RERE: variants seen among roughly 807,000 people sequenced by gnomAD.
RERE encodes arginine-glutamic acid dipeptide repeats, also known as arginine-glutamic acid dipeptide repeats protein.
RERE carries 40 observed loss-of-function variants against 146.1 expected under a neutral mutation model. That is an observed-to-expected ratio of 0.27 (90% confidence interval 0.21 to 0.36). RERE has a LOEUF of 0.36. Among genes scored for constraint, RERE ranks in the 10% least tolerant of loss-of-function variants. RERE has a pLI of 1.00. For missense variants in RERE, 1,933 were observed against 2,138.7 expected, an observed-to-expected ratio of 0.90 and a Z score of 1.90; for synonymous variants, 1,003 against 866.0, an observed-to-expected ratio of 1.16 and a Z score of -2.78.
chr1:8,796,342 A>G (rs796570720), intron 1 of RERE, among the ~76,000 whole-genome samples: 35 of 152,340 alleles, frequency 2.3e-4, no homozygotes, highest in African/African-American at 8.4e-4. Context: ...TATTCTAAGT[A>G]ATCAGGCCAC....
At chr1:8,502,326 G>A (rs1362707451) in intron 8 of RERE, among the ~76,000 whole-genome samples, 35 of 113,378 alleles carry the variant, frequency 3.1e-4, no homozygotes, top group Admixed American at 3.2e-4. Context: ...CGCCCCGTCC[G>A]GGAGGGTGGT....
intron 12 of RERE, among the ~76,000 whole-genome samples, chr1:8,395,084 G>A (rs544088170): frequency 6.4e-4 from 98 of 152,320 alleles, no homozygotes; most frequent in Non-Finnish European, 1.0e-3. Context: ...CAGATAAGGT[G>A]TCTAGTATTT....
intron 2 of RERE, among the ~76,000 whole-genome samples, chr1:8,638,792 T>A (rs1647135448): frequency 6.9e-6 from 1 of 143,918 alleles, no homozygotes; most frequent in South Asian, 2.3e-4. Flanking sequence ...AATTTTTTTT[T>A]TTTTTTTTTT....
At chr1:8,523,175 A>T (rs1243204670) in intron 7 of RERE, among the ~76,000 whole-genome samples, 2 of 152,214 alleles carry the variant, frequency 1.3e-5, no homozygotes, top group Non-Finnish European at 2.9e-5. Flanking sequence ...AGCCTGGGTG[A>T]CAGCGTGAGA....
intron 12 of RERE, among the ~76,000 whole-genome samples, chr1:8,419,655 C>T (rs1643867465): frequency 6.6e-6 from 1 of 152,176 alleles, no homozygotes. Context: ...ACAATCATTT[C>T]CAAGTATTTC....
chr1:8,579,449 A>G (rs1646336987), intron 4 of RERE, among the ~76,000 whole-genome samples: 1 of 152,246 alleles, frequency 6.6e-6, no homozygotes, highest in Non-Finnish European at 1.5e-5. Flanking sequence ...TATGTCAGAT[A>G]GGCTAACAAG....
intron 1 of RERE, among the ~76,000 whole-genome samples, chr1:8,720,108 AC>A (rs1255744444): frequency 1.3e-5 from 2 of 151,722 alleles, no homozygotes; most frequent in East Asian, 3.9e-4. Flanking sequence ...TACTAAAAAT[AC>A]AAAAAAAAAA....
Position 8,428,156 on chromosome 1 carries a change from G to A in RERE, c.1204-5349C>T, listed in dbSNP as rs1003531999. ...GAATAGCAGGATGCCAAGGGTAAAG[G>A]AGGAAGGAAATATAGAAGGCAAGTC... On this transcript the variant is annotated intron_variant, in intron 11 of 22. Transcript: ENST00000400908. Among the ~76,000 whole-genome samples, 14 of 152,282 alleles carry A rather than the reference G, an allele frequency of 9.2e-5. No homozygotes were observed. The South Asian group carries it at 2.9e-3, about 32-fold the overall frequency.
At chr1:8,811,511 G>C (rs1479384832) in intron 1 of RERE, among the ~76,000 whole-genome samples, 4 of 152,242 alleles carry the variant, frequency 2.6e-5, no homozygotes, top group Admixed American at 2.6e-4. Context: ...GGGAGGCCAA[G>C]GAGGGAGGAT....
intron 4 of RERE, among the ~76,000 whole-genome samples, chr1:8,610,015 C>T (rs1353699306): frequency 6.6e-6 from 1 of 152,030 alleles, no homozygotes; most frequent in Non-Finnish European, 1.5e-5. Context: ...GTGACCGAAC[C>T]GCCCCAGCCT....
chr1:8,503,946 T>TA (rs1249599859), intron 8 of RERE, among the ~76,000 whole-genome samples: 1 of 152,056 alleles, frequency 6.6e-6, no homozygotes, highest in African/African-American at 2.4e-5. Flanking sequence ...TTGGTGTCAT[T>TA]AAAAAATGGG....
chr1:8,598,423 C>A (rs957197055), intron 4 of RERE, among the ~76,000 whole-genome samples: 1 of 152,186 alleles, frequency 6.6e-6, no homozygotes, highest in African/African-American at 2.4e-5. Flanking sequence ...AGCAACGTCA[C>A]GGAGCTGGGT....
chr1:8,644,381 C>A (rs1021598887), intron 2 of RERE, among the ~76,000 whole-genome samples: 1 of 152,284 alleles, frequency 6.6e-6, no homozygotes, highest in African/African-American at 2.4e-5. Flanking sequence ...CAACCAAGTA[C>A]CTGAACGCTC....
intron 1 of RERE, among the ~76,000 whole-genome samples, chr1:8,720,590 G>A (rs533273221): frequency 1.2e-4 from 19 of 152,252 alleles, no homozygotes; most frequent in Admixed American, 3.3e-4. Context: ...GGCAGGACTA[G>A]AACACAACTG....
chr1:8,593,300 T>C (rs1646516541), intron 4 of RERE, among the ~76,000 whole-genome samples: 1 of 152,228 alleles, frequency 6.6e-6, no homozygotes, highest in Non-Finnish European at 1.5e-5. Context: ...AAATCTCATC[T>C]TGAATTGTAG....
intron 11 of RERE, chr1:8,465,650 AT>A (rs1408265004): frequency 1.9e-6 from 1 of 516,466 alleles, no homozygotes; most frequent in East Asian, 4.4e-5. Flanking sequence ...ACAAGTTCAA[AT>A]TAACTTTTTT....
At chr1:8,564,868 G>A (rs56116303) in intron 4 of RERE, among the ~76,000 whole-genome samples, 6,057 of 124,352 alleles carry the variant, frequency 0.049, 178 homozygotes, top group Middle Eastern at 0.1. Context: ...GTGTGTGTGT[G>A]TGTATATATA....
chr1:8,673,134 C>T (rs1441638117), intron 1 of RERE, among the ~76,000 whole-genome samples: 2 of 152,070 alleles, frequency 1.3e-5, no homozygotes, highest in East Asian at 1.9e-4. Flanking sequence ...GTTTCACTCT[C>T]GTCACCCAGG....
chr1:8,537,160 C>T (rs1201016317), intron 7 of RERE, among the ~76,000 whole-genome samples: 9 of 152,128 alleles, frequency 5.9e-5, no homozygotes, highest in East Asian at 1.9e-4. Context: ...GCCCTGATCA[C>T]GCCACTACAC....
Sources: allele counts gnomAD v4.1 joint callset (sites outside exome capture counted in the v4.1 genomes callset), GRCh38; gene constraint gnomAD v4.1.1; transcripts MANE v1.5; gene names NCBI Gene and HGNC (gene_info 2026-07-23, HGNC 2026-07-21).